Variants in UPK1A observed in about 807,000 individuals in gnomAD.
UPK1A encodes uroplakin-1a.
Under a neutral mutation model 32.3 loss-of-function variants are expected in UPK1A, and 31 were observed. The observed-to-expected ratio is 0.96, with a 90% CI of 0.72 to 1.30. UPK1A has a LOEUF of 1.30. Among genes scored for constraint, UPK1A ranks in the 50% most tolerant of loss-of-function variants. UPK1A has a pLI of 0.00. For synonymous variants in UPK1A, 135 were observed against 137.1 expected, an observed-to-expected ratio of 0.98 and a Z score of 0.11; for missense variants, 340 against 357.4, an observed-to-expected ratio of 0.95 and a Z score of 0.39.
At chr19:35,671,579 T>C (rs1968101778) in intron 3 of UPK1A, among the ~76,000 whole-genome samples, 1 of 144,604 alleles carries the variant, frequency 6.9e-6, no homozygotes, top group African/African-American at 2.6e-5. Flanking sequence ...TGCCTCAGCC[T>C]CCCGAGTAGC....
Position 35,666,905 on chromosome 19 carries a change from C to T in UPK1A, c.84+9C>T, listed in dbSNP as rs762966896. On this transcript the variant is annotated intron_variant, in intron 2 of 7. Coordinates refer to ENST00000617999, the Ensembl canonical transcript of UPK1A. The stretch of plus-strand genomic sequence containing the variant: ...GCAATATCATTATTCTGGTGAGACT[C>T]GCCCCAGTGCTGGGAGCCGAGTGGT... 17 of 1,613,670 alleles carry T rather than the reference C, an allele frequency of 1.1e-5. No homozygotes were observed. The highest frequency in any genetic ancestry group is 1.6e-4 in the Middle Eastern group (1 of 6,082).
At chr19:35,666,996 G>A in intron 2 of UPK1A, 100 bp downstream of exon 2, 1 of 1,226,232 alleles carries the variant, frequency 8.2e-7, no homozygotes, top group South Asian at 1.3e-5. Flanking sequence ...CTGTCTCTCG[G>A]GCAGACTCAG....
Position 35,668,376 on chromosome 19 carries a change from G to A in UPK1A, c.85-78G>A, listed in dbSNP as rs1459694856. On this transcript the variant is annotated intron_variant, in intron 2 of 7. Transcript: ENST00000617999. ...GGGCAGTGGAGGCTCCAAATGGGGA[G>A]GGAACTTGCTCGTGGAGATGCCTGG... 1.1e-5 allele frequency: 17 copies of A among 1,567,884 alleles called. No homozygotes were observed. The Middle Eastern group carries it at 5.0e-4, about 46-fold the overall frequency.
intron 6 of UPK1A, 73 bp downstream of exon 6, chr19:35,676,092 T>C: frequency 6.9e-7 from 1 of 1,459,728 alleles, no homozygotes; most frequent in Non-Finnish European, 9.2e-7. Flanking sequence ...CCCTCTCTGA[T>C]TCTCTCTTTC....
In UPK1A at chr19:35,677,797, C is replaced by T. The variant is rs749563380; in HGVS notation, c.649-15C>T. 4.3e-6 allele frequency: 7 copies of T among 1,611,992 alleles called. No homozygotes were observed. The South Asian group carries it at 7.7e-5, about 18-fold the overall frequency. Reference sequence around the variant, plus strand: ...CATGGGCGTCTTCTCAAACTTCCCCCATCCCCCTGCCCAGGGCTGCTTCGA... The same window carrying T: ...CATGGGCGTCTTCTCAAACTTCCCCTATCCCCCTGCCCAGGGCTGCTTCGA... On this transcript the variant is annotated splice_polypyrimidine_tract_variant and intron_variant, in intron 6 of 7. Transcript: ENST00000617999.
chr19:35,674,241 C>CTTTTTTTTTTTTTTTTTTTTTTT (rs35857173), intron 5 of UPK1A, among the ~76,000 whole-genome samples: 1 of 98,982 alleles, frequency 1.0e-5, no homozygotes. Flanking sequence ...TTCTTTTTAT[C>CTTTTTTTTTTTTTTTTTTTTTTT]TTTTTTTTTT....
rs941781822 is a variant in UPK1A, at chr19:35,676,037, G to C, written c.648+18G>C. The C allele has an allele frequency of 6.2e-7, 1 of 1,605,504 alleles. No homozygotes were observed. Among genetic ancestry groups the C allele is most frequent in the African/African-American group, 1.3e-5 (1 of 74,900 alleles). On this transcript the variant is annotated intron_variant, in intron 6 of 7. Transcript: ENST00000617999. ...TCACCAAGGTGTGGCCGTCTGCCCTGCTCCATCTGTCTATCCATCTGTCTG... is the reference window on the plus strand; with the variant it reads ...TCACCAAGGTGTGGCCGTCTGCCCTCCTCCATCTGTCTATCCATCTGTCTG...
At chr19:35,677,293 C>T (rs1599633810) in intron 6 of UPK1A, among the ~76,000 whole-genome samples, 1 of 151,116 alleles carries the variant, frequency 6.6e-6, no homozygotes, top group African/African-American at 2.4e-5. Flanking sequence ...TTTGGGAGAC[C>T]GAGATGGGAG....
rs775683116 is a variant in UPK1A, at chr19:35,673,259, A to T, written c.313A>T (p.Ile105Phe). The T allele has an allele frequency of 3.7e-6, 6 of 1,613,700 alleles. No homozygotes were observed. In the Admixed American group the frequency reaches 5.0e-5, roughly 13 times the overall value. The stretch of plus-strand genomic sequence containing the variant: ...CCTGGTGCTCATGCTCATCGTCTAC[A>T]TCTTCGAGTGCGCCTCCTGCATCAC... The change falls in exon 4 of 8, where the codon ATC becomes TTC. Residue 105 changes from isoleucine to phenylalanine, a missense_variant. By Grantham distance (21) the Ile-to-Phe change is conservative. Transcript: ENST00000617999.
At chr19:35,675,807 C>T (rs766419398) in intron 5 of UPK1A, 33 bp from the exon 6 acceptor site, 19 of 1,577,154 alleles carry the variant, frequency 1.2e-5, no homozygotes, top group African/African-American at 4.0e-5. Context: ...TCTCTGAGCC[C>T]GAGCCTGCCT....
chr19:35,673,340 C>G (rs560449775), intron 4 of UPK1A, 34 bp downstream of exon 4: 1 of 1,613,350 alleles, frequency 6.2e-7, no homozygotes, highest in East Asian at 2.2e-5. Flanking sequence ...GGGGCCTGAC[C>G]TGCATGGGAG....
intron 6 of UPK1A, among the ~76,000 whole-genome samples, chr19:35,676,983 A>G (rs894313362): frequency 6.6e-6 from 1 of 152,132 alleles, no homozygotes; most frequent in Non-Finnish European, 1.5e-5. Context: ...GTACTTTGGG[A>G]GGCCAAGGCA....
chr19:35,670,384 CTCCCCTTCCCT>C (rs1322624151), intron 3 of UPK1A, among the ~76,000 whole-genome samples: 2 of 138,420 alleles, frequency 1.4e-5, no homozygotes, highest in African/African-American at 5.4e-5. Context: ...CTCCCTTCCC[CTCCCCTTCCCT>C]CCCCTCCCCT....
chr19:35,672,060 C>A (rs542810025), intron 3 of UPK1A, among the ~76,000 whole-genome samples: 73 of 152,352 alleles, frequency 4.8e-4, no homozygotes, highest in African/African-American at 1.7e-3. Context: ...CATCCACACG[C>A]AACCTCCTGC....
chr19:35,666,809 G>T (rs1291678396), exon 2 of UPK1A: 1 of 1,614,164 alleles, frequency 6.2e-7, no homozygotes, highest in East Asian at 2.2e-5. Context: ...TGTGTCCCAG[G>T]ATGATGGCGT....
intron 3 of UPK1A, among the ~76,000 whole-genome samples, chr19:35,673,025 ATAAAT>A (rs1968125388): frequency 6.6e-6 from 1 of 152,252 alleles, no homozygotes; most frequent in African/African-American, 2.4e-5. Context: ...TGTCTCAAAA[ATAAAT>A]TAATTAAATT....
intron 2 of UPK1A, chr19:35,668,013 C>T (rs545933395): frequency 3.6e-4 from 90 of 250,766 alleles, no homozygotes; most frequent in Non-Finnish European, 5.8e-4. Context: ...GTCTCAAACT[C>T]CTGGGCTCAA....
chr19:35,676,323 T>A (rs1201111609), intron 6 of UPK1A: 1 of 539,344 alleles, frequency 1.9e-6, no homozygotes, highest in Admixed American at 2.8e-5. Context: ...CCAGAGCAGC[T>A]GGGATTACAG....
rs764019699 is a variant in UPK1A at position 35,676,030 on chromosome 19, C to A, written c.648+11C>A. 2.5e-6 allele frequency: 4 copies of A among 1,607,914 alleles called. No homozygotes were observed. The highest frequency in any genetic ancestry group is 2.5e-6 in the Non-Finnish European group (3 of 1,176,610). ...TACCTGTTCACCAAGGTGTGGCCGTCTGCCCTGCTCCATCTGTCTATCCAT... is the reference window on the plus strand; with the variant it reads ...TACCTGTTCACCAAGGTGTGGCCGTATGCCCTGCTCCATCTGTCTATCCAT... On this transcript the variant is annotated intron_variant, in intron 6 of 7. Coordinates refer to ENST00000617999, the Ensembl canonical transcript of UPK1A.
Sources: allele counts gnomAD v4.1 joint callset (sites outside exome capture counted in the v4.1 genomes callset), GRCh38; gene constraint gnomAD v4.1.1; transcripts MANE v1.5; gene names NCBI Gene and HGNC (gene_info 2026-07-23, HGNC 2026-07-21).